The following STAT6 variants were observed in gnomAD, a reference collection of about 807,000 sequenced individuals.
STAT6 encodes the protein signal transducer and activator of transcription 6, also known as STAT, interleukin4-induced.
In STAT6, 45 loss-of-function variants were observed where a neutral mutation model predicts 106.3. The ratio of observed to expected loss-of-function variants is 0.42; its 90% CI spans 0.33 to 0.54. The LOEUF (loss-of-function observed/expected upper bound fraction) is 0.54, where lower values mean the gene tolerates loss of function less well. Among genes scored for constraint, STAT6 ranks in the 20% least tolerant of loss-of-function variants. STAT6 has a pLI of 0.06. For missense variants in STAT6, 797 were observed against 1,062.2 expected, an observed-to-expected ratio of 0.75 and a Z score of 3.47; for synonymous variants, 413 against 413.6, an observed-to-expected ratio of 1.00 and a Z score of 0.02.
Position 57,099,230 on chromosome 12 carries a change from G to T in STAT6, c.1891+64C>A. The T allele has an allele frequency of 6.2e-7, 1 of 1,608,784 alleles. No individual in the cohort carries two copies. Among genetic ancestry groups the T allele is most frequent in the Non-Finnish European group, 8.5e-7 (1 of 1,175,854 alleles). On this transcript the variant is annotated intron_variant, in intron 16 of 21. Coordinates refer to ENST00000300134, the MANE Select transcript of STAT6 (RefSeq NM_003153.5). The surrounding 1 kb of genome is among the most constrained non-coding windows in gnomAD (Gnocchi z 4.7). ...GATGACACGCGGGCAGGGAGAGGAG[G>T]GCAGCGGGGAGCAGGGAGGAAGTGG...
chr12:57,107,291 C>T lies in STAT6; in HGVS notation c.279G>A (p.Leu93=), dbSNP rs774500271. The part of the protein sequence containing the change: ...TLESIYQRDP[L]KLVATFRQIL... ...TTTGTCTGAAAGTGGCCACCAGCTT[C>T]AGGGGGTCCCTCTGATATATGCTCT... Residue 93 remains leucine, a synonymous_variant, in exon 4 of 22, where the codon CTG becomes CTA. Coordinates refer to ENST00000300134, the MANE Select transcript of STAT6 (RefSeq NM_003153.5). 4 of 1,614,200 alleles carry T rather than the reference C, an allele frequency of 2.5e-6. No individual in the cohort carries two copies. In the Admixed American group the frequency reaches 5.0e-5, roughly 20 times the overall value.
At chr12:57,106,066 T>C (rs1487184793) in intron 7 of STAT6, 125 bp downstream of exon 7, 1 of 1,492,396 alleles carries the variant, frequency 6.7e-7, no homozygotes, top group Non-Finnish European at 9.0e-7. Context: ...GGAACTGGCT[T>C]TTATGCATCT....
intron 4 of STAT6, 112 bp from the exon 5 acceptor site, chr12:57,106,943 G>T (rs1417298435): frequency 1.3e-6 from 2 of 1,509,868 alleles, no homozygotes; most frequent in African/African-American, 2.8e-5. Flanking sequence ...CTCCCCTTTG[G>T]CAGTTCTTCC....
At position 57,097,104 on chromosome 12, in the gene STAT6, C is replaced by T; in HGVS notation, c.2189G>A (p.Gly730Asp). 6.6e-7 allele frequency: 1 copy of T among 1,523,420 alleles called. No individual in the cohort carries two copies. The highest frequency in any genetic ancestry group is 8.8e-7 in the Non-Finnish European group (1 of 1,135,860). The allele number at this position is 1,523,420 out of a possible 1,614,324, so 94.4% of individuals were successfully genotyped here. A position where few individuals can be genotyped will look rare whatever the true frequency, so the allele number is the denominator to read the frequency against. ...CTGGTCAAAGGGCAGGCTCATCTGG[C>T]CCAGGCTGGGGGGCATCTGCAGGTG... ...EPHLQMPPSL[G>D]QMSLPFDQPH... The change falls in exon 20 of 22, where the codon GGC becomes GAC. Residue 730 changes from glycine to aspartate, a missense_variant. Around this residue, in one of 4 missense-constraint regions of STAT6, gnomAD observed 226 missense variants for 236.7 expected, o/e 0.95. Transcript: ENST00000300134.
chr12:57,102,610 G>T (rs980221885), intron 12 of STAT6, 114 bp from the exon 13 acceptor site: 2 of 1,155,998 alleles, frequency 1.7e-6, no homozygotes, highest in Non-Finnish European at 2.5e-6. Flanking sequence ...CCCTGATATC[G>T]CTCACAAACA....
rs773859679 is a variant in STAT6 at position 57,099,448 on chromosome 12, A to G, written c.1745-8T>C. ...TCTCTATCTGTGGAGAGCCTATGGT[A>G]GGAAGGAGACCCTGAGATCCCTCTG... On this transcript the variant is annotated splice_region_variant and splice_polypyrimidine_tract_variant and intron_variant, in intron 15 of 21. Coordinates refer to ENST00000300134, the MANE Select transcript of STAT6 (RefSeq NM_003153.5). This position sits in a 1 kb window ranked among gnomAD's most constrained non-coding sequence, Gnocchi z 4.7. 5 of 1,614,152 alleles carry G rather than the reference A, an allele frequency of 3.1e-6. No individual in the cohort carries two copies. In the Admixed American group the frequency reaches 5.0e-5, roughly 16 times the overall value.
intron 13 of STAT6, chr12:57,100,716 A>AAG (rs764806212): frequency 1.8e-4 from 12 of 67,984 alleles, no homozygotes; most frequent in South Asian, 4.8e-4. Context: ...GAAAGAAAGA[A>AAG]AGAAAGAAAG....
At chr12:57,104,874 C>T in intron 9 of STAT6, 61 bp from the exon 10 acceptor site, 2 of 1,576,678 alleles carry the variant, frequency 1.3e-6, no homozygotes, top group South Asian at 1.1e-5. Flanking sequence ...GTGGCGAGTG[C>T]ATGGGTGAGT....
chr12:57,099,182 T>C lies in STAT6; in HGVS notation c.1892-104A>G. ...CATGGGGAAGTAAGAGAAGCACAGC[T>C]ATGAAATAGGGAGTGACATCAGGAT... On this transcript the variant is annotated intron_variant, in intron 16 of 21. Coordinates refer to ENST00000300134, the MANE Select transcript of STAT6 (RefSeq NM_003153.5). The surrounding 1 kb of genome is among the most constrained non-coding windows in gnomAD (Gnocchi z 4.7). 1 of 1,595,528 alleles carries C rather than the reference T, an allele frequency of 6.3e-7. No individual in the cohort carries two copies. Among genetic ancestry groups the C allele is most frequent in the South Asian group, 1.1e-5 (1 of 90,572 alleles).
intron 12 of STAT6, 46 bp from the exon 13 acceptor site, chr12:57,102,542 T>C: frequency 1.3e-6 from 2 of 1,594,866 alleles, no homozygotes; most frequent in Non-Finnish European, 1.7e-6. Flanking sequence ...TACCGTCTTG[T>C]TATTCCTCGG....
At chr12:57,110,466 C>G (rs1293087666) in intron 1 of STAT6, 1 of 152,266 alleles carries the variant, frequency 6.6e-6, no homozygotes, top group South Asian at 2.1e-4. Context: ...CAACCCCTAT[C>G]TGCCCGAGTC....
rs779389479 is a variant in STAT6, at chr12:57,105,226, G to A, written c.926C>T (p.Pro309Leu). 41 of 1,613,930 alleles carry A rather than the reference G, an allele frequency of 2.5e-5. No individual in the cohort carries two copies. The highest frequency in any genetic ancestry group is 2.5e-4 in the Admixed American group (15 of 60,000). The change falls in exon 9 of 22, where the codon CCG becomes CTG. Residue 309 changes from proline to leucine, a missense_variant. Pro to Leu is a moderately conservative substitution (Grantham distance 98). Coordinates refer to ENST00000300134, the MANE Select transcript of STAT6 (RefSeq NM_003153.5). ...TGTCACCATGTCGGCCCTGACCAGC[G>A]GAGGCTTGGCTGGGGCCCCCAGGAA... ...LRFLGAPAKP[P>L]LVRADMVTEK...
chr12:57,098,909 G>A lies in STAT6; in HGVS notation c.1956-7C>T. The A allele has an allele frequency of 1.2e-6, 2 of 1,613,576 alleles. No homozygotes were observed. Among genetic ancestry groups the A allele is most frequent in the Non-Finnish European group, 1.7e-6 (2 of 1,179,570 alleles). ...GGTAGGAAGTGGTTGGTCCCTGGAG[G>A]AGGGAAGGAGGTACATGTGACTGAC... On this transcript the variant is annotated splice_region_variant and splice_polypyrimidine_tract_variant and intron_variant, in intron 17 of 21. Coordinates refer to ENST00000300134, the MANE Select transcript of STAT6 (RefSeq NM_003153.5).
chr12:57,107,563 C>A, intron 3 of STAT6, 42 bp downstream of exon 3: 4 of 1,603,598 alleles, frequency 2.5e-6, no homozygotes, highest in Middle Eastern at 1.7e-4. Context: ...CCCAGTTCAA[C>A]CTCAGCCCCA....
chr12:57,106,573 C>T lies in STAT6; in HGVS notation c.486G>A (p.Leu162=). Reference sequence around the variant, plus strand: ...TAGCAGGAGTTTCTATCAAGCTGTGCAGAGACACTGAGGGTTGGGGGCAGA... The same window carrying T: ...TAGCAGGAGTTTCTATCAAGCTGTGTAGAGACACTGAGGGTTGGGGGCAGA... ...QKGAEAGQVS[L]HSLIETPANG... Residue 162 remains leucine, a synonymous_variant, in exon 6 of 22, where the codon CTG becomes CTA. Coordinates refer to ENST00000300134, the MANE Select transcript of STAT6 (RefSeq NM_003153.5). 6.2e-7 allele frequency: 1 copy of T among 1,614,184 alleles called. No individual in the cohort carries two copies. Among genetic ancestry groups the T allele is most frequent in the Non-Finnish European group, 8.5e-7 (1 of 1,180,026 alleles).
At chr12:57,098,170 C>G (rs1440083544) in intron 19 of STAT6, among the ~76,000 whole-genome samples, 1 of 152,182 alleles carries the variant, frequency 6.6e-6, no homozygotes, top group Non-Finnish European at 1.5e-5. Context: ...TGCTATGAGC[C>G]ATGCACTATG....
Position 57,096,739 on chromosome 12 carries a change from G to T in STAT6, c.2377C>A (p.Pro793Thr). ...TCCTGTTCAGTGGGAGGCAGCAGAG[G>T]AGGGAATATGTCTTCACCAATCCTG... ...GTWIGEDIFPPLLPPTEQDLT... is the reference protein window; with the variant it reads ...GTWIGEDIFPTLLPPTEQDLT... The change falls in exon 22 of 22, where the codon CCT (proline) becomes ACT (threonine). Residue 793 changes from proline to threonine, a missense_variant. Around this residue, in one of 4 missense-constraint regions of STAT6, gnomAD observed 226 missense variants for 236.7 expected, o/e 0.95. Coordinates refer to ENST00000300134, the MANE Select transcript of STAT6 (RefSeq NM_003153.5). 1.2e-6 allele frequency: 2 copies of T among 1,613,262 alleles called. No homozygotes were observed. The highest frequency in any genetic ancestry group is 1.7e-6 in the Non-Finnish European group (2 of 1,179,662).
intron 19 of STAT6, 33 bp downstream of exon 19, chr12:57,098,472 T>A (rs780715662): frequency 2.5e-6 from 4 of 1,600,992 alleles, no homozygotes; most frequent in Non-Finnish European, 3.4e-6. Context: ...CCCCTTAGAG[T>A]GGGATGGTAT....
At chr12:57,108,669 T>C (rs756445478) in intron 1 of STAT6, among the ~76,000 whole-genome samples, 46 of 152,358 alleles carry the variant, frequency 3.0e-4, no homozygotes, top group Admixed American at 5.9e-4. Context: ...CTATAAAATA[T>C]GAGTGTTAGA....
Sources: gnomAD v4.1 joint callset for allele counts (sites outside exome capture counted in the v4.1 genomes callset) on GRCh38, gnomAD v4.1.1 for gene constraint, gnomAD v4.1.1 regional missense constraint, Gnocchi (gnomAD v3.1) non-coding constraint, MANE v1.5 for transcripts, NCBI Gene and HGNC (gene_info 2026-07-23, HGNC 2026-07-21) for gene names.